The following PKD1L1 variants were observed in gnomAD, a reference collection of about 807,000 sequenced individuals.
PKD1L1 encodes polycystin 1 like 1, transient receptor potential channel interacting.
Under a neutral mutation model 323.4 loss-of-function variants are expected in PKD1L1, and 236 were observed. The ratio of observed to expected loss-of-function variants is 0.73; its 90% CI spans 0.66 to 0.81. The LOEUF (loss-of-function observed/expected upper bound fraction) is 0.81. PKD1L1 is among the 40% of genes least tolerant of loss of function. The pLI is 0.00. For missense variants in PKD1L1, 3,320 were observed against 3,508.0 expected, an observed-to-expected ratio of 0.95 and a Z score of 1.35; for synonymous variants, 1,344 against 1,335.0, an observed-to-expected ratio of 1.01 and a Z score of -0.15.
intron 55 of PKD1L1, among the ~76,000 whole-genome samples, chr7:47,793,565 C>T (rs1192337436): frequency 6.6e-6 from 1 of 152,150 alleles, no homozygotes; most frequent in African/African-American, 2.4e-5. Context: ...ACTGTAAGTC[C>T]AATTAAATAT....
At chr7:47,814,331 A>G (rs1476210604) in intron 47 of PKD1L1, among the ~76,000 whole-genome samples, 1 of 152,232 alleles carries the variant, frequency 6.6e-6, no homozygotes, top group Non-Finnish European at 1.5e-5. Flanking sequence ...ATAGAATACA[A>G]CAAAATAAAA....
intron 26 of PKD1L1, among the ~76,000 whole-genome samples, chr7:47,864,968 C>T (rs1014925046): frequency 1.4e-4 from 22 of 151,968 alleles, no homozygotes; most frequent in African/African-American, 2.4e-4. Flanking sequence ...CTTCGGGATC[C>T]GCCCGCCTCG....
chr7:47,949,098 C>T (rs1239798272), upstream of PKD1L1, among the ~76,000 whole-genome samples: 3 of 151,576 alleles, frequency 2.0e-5, no homozygotes, highest in South Asian at 4.2e-4. Flanking sequence ...TGGCTGGGCG[C>T]GGTGGCTCAC....
At chr7:47,950,205 C>T (rs900910616), upstream of PKD1L1, among the ~76,000 whole-genome samples, 2 of 152,174 alleles carry the variant, frequency 1.3e-5, no homozygotes, top group African/African-American at 4.8e-5. Flanking sequence ...GTAAAGACAC[C>T]TGTGCAACCC....
At chr7:47,831,461 G>T in intron 41 of PKD1L1, 109 bp from the exon 42 acceptor site, 1 of 1,388,066 alleles carries the variant, frequency 7.2e-7, no homozygotes, top group Non-Finnish European at 9.7e-7. Context: ...GTCGTAGGGT[G>T]CCCAGGCATT....
At chr7:47,827,278 CGGCAGT>C in intron 45 of PKD1L1, 66 bp downstream of exon 45, 1 of 1,287,260 alleles carries the variant, frequency 7.8e-7, no homozygotes, top group South Asian at 1.5e-5. Flanking sequence ...GGAGGACCAG[CGGCAGT>C]GGGGTACTCC....
At chr7:47,877,690 A>AAT in intron 21 of PKD1L1, 59 bp from the exon 22 acceptor site, 1 of 1,579,326 alleles carries the variant, frequency 6.3e-7, no homozygotes, top group Non-Finnish European at 8.6e-7. Flanking sequence ...GCAGCATAGG[A>AAT]ATAAGTTTTT....
chr7:47,820,536 C>G (rs562814996), intron 46 of PKD1L1, among the ~76,000 whole-genome samples: 1 of 152,098 alleles, frequency 6.6e-6, no homozygotes, highest in African/African-American at 2.4e-5. Flanking sequence ...ACCAGCCTGA[C>G]GAACATGGTG....
At chr7:47,802,249 A>G (rs958815413) in intron 53 of PKD1L1, among the ~76,000 whole-genome samples, 1 of 151,540 alleles carries the variant, frequency 6.6e-6, no homozygotes, top group Non-Finnish European at 1.5e-5. Flanking sequence ...AATAATGACT[A>G]GTTTAATCAC....
intron 45 of PKD1L1, among the ~76,000 whole-genome samples, chr7:47,824,789 A>G (rs1310206518): frequency 6.6e-6 from 1 of 152,154 alleles, no homozygotes; most frequent in Non-Finnish European, 1.5e-5. Flanking sequence ...CTGGAGGGGT[A>G]GTCTTCATGC....
rs765287628 is a variant in PKD1L1 at position 47,894,078 on chromosome 7, A to C, written c.2272-19T>G. Reference sequence around the variant, plus strand: ...TCTGAACCTGCAGGGGCAAGGAAGGACAGGGGATGTCATGCAGGGACAAGG... The same window carrying C: ...TCTGAACCTGCAGGGGCAAGGAAGGCCAGGGGATGTCATGCAGGGACAAGG... On this transcript the variant is annotated intron_variant, in intron 14 of 56. Coordinates refer to ENST00000289672, the MANE Select transcript of PKD1L1 (RefSeq NM_138295.5). 3.3e-6 allele frequency: 5 copies of C among 1,532,362 alleles called. No individual in the cohort carries two copies. In the East Asian group the frequency reaches 6.9e-5, roughly 21 times the overall value. 94.9% of individuals were successfully genotyped at this position (1,532,362 alleles called of 1,614,324 possible). A position where few individuals can be genotyped will look rare whatever the true frequency, so the allele number is the denominator to read the frequency against.
In PKD1L1 at chr7:47,858,767, A is replaced by G. The variant is rs745946049; in HGVS notation, c.4268T>C (p.Ile1423Thr). Reference sequence around the variant, plus strand: ...CTCAGAGACTTCCCAGACTCTGGATATGAGACCGATGAGCTCAAGCCTCAC... The same window carrying G: ...CTCAGAGACTTCCCAGACTCTGGATGTGAGACCGATGAGCTCAAGCCTCAC... ...KGVRLELIGL[I>T]SRVWEVSEQE... Residue 1423 changes from isoleucine to threonine, a missense_variant, in exon 27 of 57, where the codon ATA becomes ACA. By Grantham distance (89) the Ile-to-Thr change is moderately conservative. Coordinates refer to ENST00000289672, the MANE Select transcript of PKD1L1 (RefSeq NM_138295.5). 1 of 1,614,210 alleles carries G rather than the reference A, an allele frequency of 6.2e-7. No homozygotes were observed. The highest frequency in any genetic ancestry group is 8.5e-7 in the Non-Finnish European group (1 of 1,180,030).
rs768172086 is a variant in PKD1L1 at position 47,876,169 on chromosome 7, T to C, written c.3712A>G (p.Thr1238Ala). Residue 1238 changes from threonine (T) to alanine (A), a missense_variant, in exon 23 of 57, where the codon ACT becomes GCT. Physicochemically the swap from Thr to Ala is moderately conservative, Grantham distance 58. Transcript: ENST00000289672. Reference protein sequence around the residue: ...SYQIGNTSKHTLYHGRDTQYY... With the variant: ...SYQIGNTSKHALYHGRDTQYY... ...TGGGTGTCTCTCCCATGGTACAAAG[T>C]GTGTTTGGAGGTGTTTCCTATCTGG... 1 of 1,614,022 alleles carries C rather than the reference T, an allele frequency of 6.2e-7. No individual in the cohort carries two copies. The highest frequency in any genetic ancestry group is 8.5e-7 in the Non-Finnish European group (1 of 1,179,998).
At chr7:47,780,966 A>G (rs1786678717) in intron 56 of PKD1L1, among the ~76,000 whole-genome samples, 1 of 152,218 alleles carries the variant, frequency 6.6e-6, no homozygotes, top group Non-Finnish European at 1.5e-5. Flanking sequence ...TTCATTTTAT[A>G]AGAAACTGCC....
intron 21 of PKD1L1, among the ~76,000 whole-genome samples, chr7:47,878,778 T>C (rs1296828517): frequency 6.6e-6 from 1 of 152,154 alleles, no homozygotes; most frequent in Non-Finnish European, 1.5e-5. Flanking sequence ...GGCCTGGTGT[T>C]ATCTGAAGAG....
chr7:47,943,600 C>T, intron 1 of PKD1L1, 89 bp from the exon 2 acceptor site: 1 of 1,009,368 alleles, frequency 9.9e-7, no homozygotes, highest in Non-Finnish European at 1.5e-6. Context: ...CATCCATATC[C>T]ATATTTCTGC....
the PKD1L1 span, among the ~76,000 whole-genome samples, chr7:47,956,184 T>G: frequency 6.3e-3 from 953 of 152,196 alleles, 10 homozygotes; most frequent in African/African-American, 0.021. Flanking sequence ...GTAAAGAGAA[T>G]GGTTCTGTTT....
intron 50 of PKD1L1, among the ~76,000 whole-genome samples, chr7:47,811,151 C>CTTTTTTTTTTTTTTTTT (rs1562940874): frequency 1.1e-5 from 1 of 87,842 alleles, no homozygotes; most frequent in Non-Finnish European, 2.4e-5. Context: ...TAAATGTCTC[C>CTTTTTTTTTTTTTTTTT]TTCTTTTTTT....
rs1384689434 is a variant in PKD1L1 at position 47,881,998 on chromosome 7, AGG to A, written c.3351_3352del (p.Leu1118ValfsTer12). 1.2e-6 allele frequency: 2 copies of A among 1,614,088 alleles called. No homozygotes were observed. The highest frequency in any genetic ancestry group is 3.3e-5 in the Admixed American group (2 of 60,006). On this transcript the variant is annotated frameshift_variant, in exon 20 of 57. Coordinates refer to ENST00000289672, the MANE Select transcript of PKD1L1 (RefSeq NM_138295.5). LOFTEE classifies it high-confidence loss of function. ...GACAGGCTCGGCTCTGCCTGCAGAC[AGG>A]GAGGGGTCCACCAGGTTATCCCCAT... is the stretch of plus-strand genomic sequence containing the variant.
Sources: allele counts gnomAD v4.1 joint callset (sites outside exome capture counted in the v4.1 genomes callset), GRCh38; gene constraint gnomAD v4.1.1; transcripts MANE v1.5; gene names NCBI Gene and HGNC (gene_info 2026-07-23, HGNC 2026-07-21).